The following ENOX1 variants were observed in gnomAD, a reference collection of about 807,000 sequenced individuals.
ENOX1 encodes the protein ecto-NOX disulfide-thiol exchanger 1.
ENOX1 carries 42 observed loss-of-function variants against 82.5 expected under a neutral mutation model. The ratio of observed to expected loss-of-function variants is 0.51; its 90% confidence interval spans 0.40 to 0.66. ENOX1 has a LOEUF of 0.66. ENOX1 is among the 30% of genes least tolerant of loss of function. The pLI is 0.00. For missense variants in ENOX1, 608 were observed against 811.6 expected (o/e 0.75, Z 3.05); for synonymous variants, 271 against 282.2 (o/e 0.96, Z 0.40).
intron 2 of ENOX1, among the ~76,000 whole-genome samples, chr13:43,552,064 C>A (rs2079220253): frequency 6.6e-6 from 1 of 152,094 alleles, no homozygotes; most frequent in Admixed American, 6.5e-5. Flanking sequence ...GAAGCAGGGA[C>A]CTTTCGCCCT....
intron 3 of ENOX1, among the ~76,000 whole-genome samples, chr13:43,461,084 T>C (rs1593315195): frequency 6.6e-6 from 1 of 152,320 alleles, no homozygotes. Context: ...CTGGTTAGCT[T>C]TTTAAAAAGT....
At chr13:43,659,605 C>T (rs2084620411) in intron 2 of ENOX1, among the ~76,000 whole-genome samples, 1 of 151,972 alleles carries the variant, frequency 6.6e-6, no homozygotes, top group Non-Finnish European at 1.5e-5. Context: ...AAATGTCTCA[C>T]GATCCTTGGC....
At position 43,247,842 on chromosome 13, in the gene ENOX1, TA is replaced by T. The variant is rs2043159942; in HGVS notation, c.1612-11105del. Among the ~76,000 whole-genome samples the T allele has an allele frequency of 2.7e-3, 4 of 1,508 alleles. 1 individual carries two copies. Among genetic ancestry groups the T allele is most frequent in the East Asian group, 0.036 (2 of 56 alleles). 1.0% of individuals were successfully genotyped at this position (1,508 alleles called of 152,430 possible). On this transcript the variant is annotated intron_variant, in intron 14 of 16. Transcript: ENST00000690772. ...CACAGATGCAACATATATATATATA[TA>T]TATATATATATATATATATATATAT...
intron 12 of ENOX1, among the ~76,000 whole-genome samples, chr13:43,285,632 C>A (rs927251253): frequency 3.6e-4 from 55 of 151,852 alleles, no homozygotes; most frequent in Admixed American, 3.5e-3. Flanking sequence ...ATGGTGAAAC[C>A]CTGTCTCTAC....
chr13:43,530,398 C>G (rs1205141146), intron 2 of ENOX1, among the ~76,000 whole-genome samples: 1 of 152,068 alleles, frequency 6.6e-6, no homozygotes, highest in Admixed American at 6.6e-5. Context: ...GCAGAGTCTA[C>G]CTGTGTTAAA....
chr13:43,538,069 A>G (rs2078542690), intron 2 of ENOX1, among the ~76,000 whole-genome samples: 1 of 152,142 alleles, frequency 6.6e-6, no homozygotes, highest in South Asian at 2.1e-4. Flanking sequence ...GCGCTAGCTG[A>G]TCTCCCTCAG....
At chr13:43,344,985 T>C (rs1346186221) in intron 8 of ENOX1, among the ~76,000 whole-genome samples, 1 of 152,168 alleles carries the variant, frequency 6.6e-6, no homozygotes, top group African/African-American at 2.4e-5. Context: ...ACCAACTCCA[T>C]GAGCTCAGCT....
At chr13:43,583,575 G>C (rs560146166) in intron 2 of ENOX1, among the ~76,000 whole-genome samples, 1 of 151,934 alleles carries the variant, frequency 6.6e-6, no homozygotes, top group Admixed American at 6.6e-5. Flanking sequence ...CTTCCTCCCA[G>C]TTCTAAATAT....
intron 1 of ENOX1, among the ~76,000 whole-genome samples, chr13:43,754,944 C>G (rs1280801154): frequency 6.6e-6 from 1 of 152,044 alleles, no homozygotes; most frequent in Non-Finnish European, 1.5e-5. Context: ...TCTTATTGAT[C>G]CTGCATCTGT....
intron 2 of ENOX1, among the ~76,000 whole-genome samples, chr13:43,518,043 T>C (rs2077621591): frequency 1.3e-5 from 2 of 152,156 alleles, no homozygotes; most frequent in Admixed American, 6.5e-5. Flanking sequence ...AATGTACTAT[T>C]ATTTCCTTTT....
intron 1 of ENOX1, among the ~76,000 whole-genome samples, chr13:43,729,272 C>T (rs2089181808): frequency 6.6e-6 from 1 of 152,164 alleles, no homozygotes; most frequent in South Asian, 2.1e-4. Context: ...ACTCAGATTA[C>T]ACCATTCTTC....
intron 2 of ENOX1, among the ~76,000 whole-genome samples, chr13:43,549,420 C>T (rs2079097070): frequency 6.6e-6 from 1 of 152,160 alleles, no homozygotes; most frequent in South Asian, 2.1e-4. Flanking sequence ...TTTAAAATAA[C>T]TCATTAGGAA....
Position 43,213,375 on chromosome 13 carries a change from G to A in ENOX1, c.*615C>T, listed in dbSNP as rs913501817. 11 of 152,092 alleles carry A rather than the reference G, an allele frequency of 7.2e-5. No homozygotes were observed. Among genetic ancestry groups the A allele is most frequent in the Non-Finnish European group, 1.2e-4 (8 of 67,994 alleles). The allele number at this position is 152,092 out of a possible 1,614,324, so 9.4% of individuals were successfully genotyped here. ...ATATTCTTGATAAAGCATTCTCAAT[G>A]TGTCCAATCATATTTTCTGCCTCTT... On this transcript the variant is annotated 3_prime_UTR_variant, in exon 17 of 17. Transcript: ENST00000690772.
intron 2 of ENOX1, among the ~76,000 whole-genome samples, chr13:43,659,340 T>A (rs1050890314): frequency 3.3e-5 from 5 of 151,888 alleles, no homozygotes; most frequent in Non-Finnish European, 5.9e-5. Flanking sequence ...AATATAAAAA[T>A]TAGCCAGGTG....
At chr13:43,536,474 C>T (rs187231704) in intron 2 of ENOX1, among the ~76,000 whole-genome samples, 3 of 152,042 alleles carry the variant, frequency 2.0e-5, no homozygotes, top group African/African-American at 7.2e-5. Context: ...AAATCCCATA[C>T]TTTGCTGAGA....
rs557341806 is a variant in ENOX1 at position 43,346,909 on chromosome 13, G to A, written c.824-2159C>T. 8.1e-4 allele frequency among the ~76,000 whole-genome samples: 123 copies of A among 151,962 alleles called. 1 individual carries two copies. The highest frequency in any genetic ancestry group is 2.9e-3 in the African/African-American group (120 of 41,436). ...CTCTGAAAAGATAACAACAGAAAAA[G>A]AGAACACTGACTTCATGTACTATTT... On this transcript the variant is annotated intron_variant, in intron 8 of 16. Transcript: ENST00000690772.
At chr13:43,641,864 G>A (rs1467844452) in intron 2 of ENOX1, among the ~76,000 whole-genome samples, 3 of 152,020 alleles carry the variant, frequency 2.0e-5, no homozygotes, top group Non-Finnish European at 2.9e-5. Flanking sequence ...GAAGTCTCAT[G>A]CGTCTATCAA....
intron 13 of ENOX1, 74 bp from the exon 14 acceptor site, chr13:43,265,528 T>C: frequency 1.0e-5 from 13 of 1,239,492 alleles, no homozygotes; most frequent in East Asian, 2.4e-5. Flanking sequence ...TATATCATCT[T>C]GTTAACTGAT....
At chr13:43,630,255 G>A (rs1293552006) in intron 2 of ENOX1, among the ~76,000 whole-genome samples, 1 of 152,114 alleles carries the variant, frequency 6.6e-6, no homozygotes, top group Non-Finnish European at 1.5e-5. Context: ...AAGAACTAAG[G>A]TTGAGCAACA....
Sources: allele counts gnomAD v4.1 joint callset (sites outside exome capture counted in the v4.1 genomes callset), GRCh38; gene constraint gnomAD v4.1.1; transcripts MANE v1.5; gene names NCBI Gene and HGNC (gene_info 2026-07-23, HGNC 2026-07-21).